The following ZMYM6 variants were observed in gnomAD, a reference collection of about 807,000 sequenced individuals.
ZMYM6 encodes the protein zinc finger MYM-type containing 6, also known as zinc finger MYM-type protein 6.
Under a neutral mutation model 134.0 loss-of-function variants are expected in ZMYM6, and 90 were observed. That is an observed-to-expected ratio of 0.67 (90% CI 0.57 to 0.80). ZMYM6 has a LOEUF of 0.80. Ranked by LOEUF, ZMYM6 falls within the 30% of genes least tolerant of loss-of-function variation. ZMYM6 has a pLI of 0.00. For synonymous variants in ZMYM6, 481 were observed against 524.1 expected, an observed-to-expected ratio of 0.92 and a Z score of 1.12; for missense variants, 1,362 against 1,533.9, an observed-to-expected ratio of 0.89 and a Z score of 1.87.
At position 35,020,473 on chromosome 1, in the gene ZMYM6, A is replaced by G; in HGVS notation, c.94-6T>C. ...TGTTGGACACATCCATACTCCTTTA[A>G]AAAAAAAAAGAAAAGAGAAAAGAGC... On this transcript the variant is annotated splice_polypyrimidine_tract_variant and splice_region_variant and intron_variant, in intron 2 of 15. Coordinates refer to ENST00000357182, the MANE Select transcript of ZMYM6 (RefSeq NM_007167.4). The G allele has an allele frequency of 6.8e-7, 1 of 1,462,882 alleles. No individual in the cohort carries two copies. The highest frequency in any genetic ancestry group is 8.9e-7 in the Non-Finnish European group (1 of 1,127,208). 90.6% of individuals were successfully genotyped at this position (1,462,882 alleles called of 1,614,324 possible).
In ZMYM6 at chr1:35,030,604, T is replaced by A; in HGVS notation, c.36A>T (p.Ala12=). Residue 12 remains alanine, a synonymous_variant, in exon 2 of 16, where the codon GCA becomes GCT. Coordinates refer to ENST00000357182, the MANE Select transcript of ZMYM6 (RefSeq NM_007167.4). ...CCAGAAGCTCCTGCTGTGGTACCAC[T>A]GCTTTGCCACATTCACCATCCAAAG... The part of the protein sequence containing the change: ...KEPLDGECGK[A]VVPQQELLDK... 6.2e-7 allele frequency: 1 copy of A among 1,613,920 alleles called. No homozygotes were observed. Among genetic ancestry groups the A allele is most frequent in the Non-Finnish European group, 8.5e-7 (1 of 1,180,020 alleles).
At chr1:34,990,474 C>G (rs1640654253) in intron 15 of ZMYM6, among the ~76,000 whole-genome samples, 1 of 151,978 alleles carries the variant, frequency 6.6e-6, no homozygotes, top group Non-Finnish European at 1.5e-5. Flanking sequence ...CAGAGATAGA[C>G]TCTGTCTCAA....
intron 2 of ZMYM6, among the ~76,000 whole-genome samples, chr1:35,025,489 G>GA (rs1641396540): frequency 9.4e-6 from 1 of 106,452 alleles, no homozygotes; most frequent in Non-Finnish European, 2.0e-5. Flanking sequence ...AAAAAAAAAA[G>GA]AAAGAAAAAA....
intron 6 of ZMYM6, chr1:35,013,625 A>C: frequency 3.0e-6 from 3 of 985,488 alleles, no homozygotes; most frequent in Non-Finnish European, 3.6e-6. Context: ...AGGAAGCAAC[A>C]AATCAAACTT....
At chr1:34,992,611 A>AATATAAAAATATATTTATAAACT (rs1469015770) in intron 14 of ZMYM6, among the ~76,000 whole-genome samples, 2 of 147,312 alleles carry the variant, frequency 1.4e-5, no homozygotes, top group African/African-American at 4.9e-5. Context: ...TATAAATATA[A>AATATAAAAATATATTTATAAACT]ATATAAAAAT....
intron 14 of ZMYM6, among the ~76,000 whole-genome samples, chr1:35,003,180 CAA>C (rs202093628): frequency 0.017 from 1,050 of 63,020 alleles, 8 homozygotes; most frequent in African/African-American, 0.045. Flanking sequence ...GACCCTGTCT[CAA>C]AAAAAAAAAA....
intron 14 of ZMYM6, among the ~76,000 whole-genome samples, chr1:34,999,377 G>A (rs1640842453): frequency 1.3e-5 from 2 of 152,260 alleles, no homozygotes; most frequent in South Asian, 4.1e-4. Flanking sequence ...GGAGACAGAG[G>A]TGGCAAGAAC....
In ZMYM6 at chr1:35,004,066, C is replaced by T. The variant is rs927080992; in HGVS notation, c.1955-61G>A. 4.9e-6 allele frequency: 7 copies of T among 1,439,012 alleles called. No homozygotes were observed. In the African/African-American group the frequency reaches 8.5e-5, roughly 18 times the overall value. 89.1% of individuals were successfully genotyped at this position (1,439,012 alleles called of 1,614,324 possible). On this transcript the variant is annotated intron_variant, in intron 13 of 15. Transcript: ENST00000357182. ...AATATACAGAAGTAAACACTGAAAT[C>T]AAGAAGTTACTTTCCTCCCATTAAG... is the stretch of plus-strand genomic sequence containing the variant.
chr1:34,996,067 C>T (rs1036381256), intron 14 of ZMYM6, among the ~76,000 whole-genome samples: 7 of 152,044 alleles, frequency 4.6e-5, no homozygotes, highest in African/African-American at 1.7e-4. Flanking sequence ...TATATTTAGA[C>T]ATAAATTAAT....
In ZMYM6 at chr1:35,011,034, A is replaced by G. The variant is rs1197042494; in HGVS notation, c.1065T>C (p.Asn355=). 4 of 1,611,522 alleles carry G rather than the reference A, an allele frequency of 2.5e-6. No homozygotes were observed. Among genetic ancestry groups the G allele is most frequent in the South Asian group, 1.1e-5 (1 of 90,622 alleles). The stretch of plus-strand genomic sequence containing the variant: ...TTGTTCCTTTTGGCTTGCTAAATAC[A>G]TTCTGAATGAAAACAAATAAGGTAA... The part of the protein sequence containing the change: ...CSSSCVVAFQ[N]VFSKPKGTNS... Residue 355 remains asparagine, a splice_region_variant and synonymous_variant, in exon 9 of 16, where the codon AAT becomes AAC. Transcript: ENST00000357182.
intron 14 of ZMYM6, among the ~76,000 whole-genome samples, chr1:34,993,660 C>T (rs1316884302): frequency 1.3e-5 from 2 of 152,000 alleles, no homozygotes; most frequent in African/African-American, 4.8e-5. Context: ...TTCTGCCTAT[C>T]ATAATAAAGC....
At chr1:35,023,182 A>T (rs761098063) in intron 2 of ZMYM6, among the ~76,000 whole-genome samples, 1 of 151,748 alleles carries the variant, frequency 6.6e-6, no homozygotes, top group Admixed American at 6.6e-5. Flanking sequence ...ATCTCAGCTC[A>T]CCACAACCTC....
At chr1:35,023,575 T>TTATA (rs1641350389) in intron 2 of ZMYM6, among the ~76,000 whole-genome samples, 1 of 152,156 alleles carries the variant, frequency 6.6e-6, no homozygotes, top group African/African-American at 2.4e-5. Context: ...ATTAAAAATA[T>TTATA]TATATACATC....
chr1:35,029,691 T>A (rs373480768), intron 2 of ZMYM6, among the ~76,000 whole-genome samples: 3 of 152,238 alleles, frequency 2.0e-5, no homozygotes, highest in African/African-American at 7.2e-5. Context: ...TATTCACAGT[T>A]CCCTCTGTCT....
chr1:35,015,209 T>A, intron 4 of ZMYM6, 47 bp from the exon 5 acceptor site: 3 of 1,485,600 alleles, frequency 2.0e-6, no homozygotes, highest in Non-Finnish European at 2.7e-6. Flanking sequence ...TCTTCACAAC[T>A]GTAACTTCCT....
Position 35,019,410 on chromosome 1 carries a change from T to G in ZMYM6, c.371A>C (p.His124Pro), listed in dbSNP as rs1481551396. Residue 124 changes from histidine to proline, a missense_variant, in exon 4 of 16, where the codon CAT becomes CCT. His to Pro is a moderately conservative substitution (Grantham distance 77). This residue lies in a region of ZMYM6 where 503 missense variants were observed against 520.8 expected (regional missense o/e 0.97). Coordinates refer to ENST00000357182, the MANE Select transcript of ZMYM6 (RefSeq NM_007167.4). ...AGGTGGCAGGCAGGCAGGTGAAGAATGTCTGGTGATGCATCGTGTGGAGCA... is the reference window on the plus strand; with the variant it reads ...AGGTGGCAGGCAGGCAGGTGAAGAAGGTCTGGTGATGCATCGTGTGGAGCA... ...LFCSTRCITR[H>P]SSPACLPPPP... is the part of the protein sequence containing the mutation. 1 of 1,614,158 alleles carries G rather than the reference T, an allele frequency of 6.2e-7. No individual in the cohort carries two copies. Among genetic ancestry groups the G allele is most frequent in the East Asian group, 2.2e-5 (1 of 44,886 alleles).
chr1:35,020,461 C>A lies in ZMYM6; in HGVS notation c.100G>T (p.Gly34Ter). 6.3e-7 allele frequency: 1 copy of A among 1,579,992 alleles called. No homozygotes were observed. Among genetic ancestry groups the A allele is most frequent in the Non-Finnish European group, 8.5e-7 (1 of 1,171,914 alleles). Residue 34 changes from glycine to a stop codon, truncating the protein, a stop_gained, in exon 3 of 16, where the codon GGA becomes TGA. Coordinates refer to ENST00000357182, the MANE Select transcript of ZMYM6 (RefSeq NM_007167.4). LOFTEE classifies it high-confidence loss of function. Reference protein sequence around the residue: ...KEEPDNAQEYGCVQQPKTQES... With the variant: ...KEEPDNAQEY ...TGAGTTTTTGGCTGTTGGACACATC[C>A]ATACTCCTTTAAAAAAAAAAAGAAA...
At chr1:35,025,265 C>T (rs947780258) in intron 2 of ZMYM6, among the ~76,000 whole-genome samples, 17 of 151,390 alleles carry the variant, frequency 1.1e-4, no homozygotes, top group East Asian at 7.9e-4. Flanking sequence ...AGGTAGAGTT[C>T]GAGACCAGCC....
At chr1:35,013,465 T>C in intron 6 of ZMYM6, 1 of 984,852 alleles carries the variant, frequency 1.0e-6, no homozygotes, top group Non-Finnish European at 1.2e-6. Flanking sequence ...AGTAACAAAA[T>C]TAGAAATGGA....
Sources: gnomAD v4.1 joint callset for allele counts (sites outside exome capture counted in the v4.1 genomes callset) on GRCh38, gnomAD v4.1.1 for gene constraint, gnomAD v4.1.1 regional missense constraint, MANE v1.5 for transcripts, NCBI Gene and HGNC (gene_info 2026-07-23, HGNC 2026-07-21) for gene names.